NKAIN2: variants seen among roughly 807,000 people sequenced by gnomAD.
NKAIN2 encodes sodium/potassium-transporting ATPase subunit beta-1-interacting protein 2.
A neutral mutation model predicts 32.6 loss-of-function variants in NKAIN2; 14 were observed. The observed-to-expected ratio is 0.43, with a 90% CI of 0.28 to 0.67. The LOEUF (loss-of-function observed/expected upper bound fraction) is 0.67, where lower values mean the gene tolerates loss of function less well. NKAIN2 is among the 30% of genes least tolerant of loss of function. The probability of loss-of-function intolerance (pLI) is 0.17; values close to 1 mark genes in which losing one functional copy is unlikely to be tolerated. For missense variants in NKAIN2, 198 were observed against 258.3 expected (o/e 0.77, Z 1.60); for synonymous variants, 80 against 87.2 (o/e 0.92, Z 0.46).
chr6:124,434,241 C>A (rs1363565244), intron 3 of NKAIN2, among the ~76,000 whole-genome samples: 1 of 152,082 alleles, frequency 6.6e-6, no homozygotes, highest in Non-Finnish European at 1.5e-5. Context: ...TTATATGTCT[C>A]TTTTATTTGG....
chr6:124,019,512 G>A (rs371966415), intron 1 of NKAIN2, among the ~76,000 whole-genome samples: 28 of 152,134 alleles, frequency 1.8e-4, no homozygotes, highest in Non-Finnish European at 7.4e-5. Context: ...ATTAAGTCAT[G>A]CTTGTAAACA....
chr6:124,141,532 T>C (rs76017174), intron 1 of NKAIN2, among the ~76,000 whole-genome samples: 6,974 of 152,064 alleles, frequency 0.046, 244 homozygotes, highest in East Asian at 0.12. Context: ...TGCTTCTGGC[T>C]TAAAATTCAA....
chr6:124,152,653 A>T (rs1025443141), intron 1 of NKAIN2, among the ~76,000 whole-genome samples: 3 of 152,002 alleles, frequency 2.0e-5, no homozygotes, highest in Admixed American at 6.6e-5. Flanking sequence ...CACCAATCCA[A>T]CTGCTAGGTA....
At chr6:124,814,951 C>T (rs1411040701) in intron 5 of NKAIN2, among the ~76,000 whole-genome samples, 1 of 151,784 alleles carries the variant, frequency 6.6e-6, no homozygotes, top group Non-Finnish European at 1.5e-5. Context: ...AATAAAAATA[C>T]TAATAAACCT....
chr6:124,490,370 G>A (rs550631110), intron 3 of NKAIN2: 35 of 437,470 alleles, frequency 8.0e-5, no homozygotes, highest in Middle Eastern at 6.8e-4. Flanking sequence ...AAAGGGTTGT[G>A]GAATTTCCCT....
At chr6:124,799,926 A>G (rs1240818950) in intron 5 of NKAIN2, among the ~76,000 whole-genome samples, 1 of 152,142 alleles carries the variant, frequency 6.6e-6, no homozygotes, top group Admixed American at 6.5e-5. Flanking sequence ...CTACCTTCTC[A>G]TGGATAATGG....
At chr6:124,730,132 T>G (rs183129497) in intron 4 of NKAIN2, among the ~76,000 whole-genome samples, 3,904 of 89,758 alleles carry the variant, frequency 0.043, 1,384 homozygotes, top group Non-Finnish European at 0.067. Flanking sequence ...TGGCCATACT[T>G]CCCAAGGTAA....
intron 1 of NKAIN2, among the ~76,000 whole-genome samples, chr6:124,086,517 G>C (rs1486871672): frequency 6.6e-6 from 1 of 151,792 alleles, no homozygotes; most frequent in Admixed American, 6.6e-5. Context: ...CATTTTTCTT[G>C]CTTGTTGTTT....
At chr6:124,554,506 T>C (rs1023034144) in intron 3 of NKAIN2, among the ~76,000 whole-genome samples, 1 of 152,220 alleles carries the variant, frequency 6.6e-6, no homozygotes. Context: ...GAAAAGAGCA[T>C]TTCTTCCACC....
chr6:124,257,377 A>G (rs939279728), intron 1 of NKAIN2, among the ~76,000 whole-genome samples: 4 of 152,208 alleles, frequency 2.6e-5, no homozygotes, highest in Non-Finnish European at 4.4e-5. Flanking sequence ...CAAACTTCCT[A>G]CAGCTCTTAG....
chr6:124,746,410 C>G (rs1310541209), intron 4 of NKAIN2, among the ~76,000 whole-genome samples: 1 of 151,826 alleles, frequency 6.6e-6, no homozygotes, highest in Admixed American at 6.6e-5. Flanking sequence ...TAAAAGTCTT[C>G]ACTTTTACCA....
At chr6:124,430,077 C>G (rs1193583297) in intron 3 of NKAIN2, among the ~76,000 whole-genome samples, 1 of 151,960 alleles carries the variant, frequency 6.6e-6, no homozygotes, top group African/African-American at 2.4e-5. Flanking sequence ...TGCAACAACC[C>G]AAGAGATCAA....
chr6:124,489,820 T>A (rs1777792064), intron 3 of NKAIN2, among the ~76,000 whole-genome samples: 1 of 151,808 alleles, frequency 6.6e-6, no homozygotes, highest in Admixed American at 6.6e-5. Context: ...ATTCACTAAA[T>A]TTTTTAACAT....
chr6:123,868,688 G>A (rs1302502035), intron 1 of NKAIN2, among the ~76,000 whole-genome samples: 4 of 152,088 alleles, frequency 2.6e-5, no homozygotes, highest in Non-Finnish European at 5.9e-5. Context: ...CTGAATATAG[G>A]CAAAGAGAGA....
chr6:124,240,651 A>G (rs1481075985), intron 1 of NKAIN2, among the ~76,000 whole-genome samples: 1 of 152,154 alleles, frequency 6.6e-6, no homozygotes, highest in African/African-American at 2.4e-5. Flanking sequence ...AAAGCACATG[A>G]TTATCTCAAT....
intron 4 of NKAIN2, among the ~76,000 whole-genome samples, chr6:124,740,068 C>T (rs1345987850): frequency 6.6e-6 from 1 of 151,602 alleles, no homozygotes; most frequent in Non-Finnish European, 1.5e-5. Flanking sequence ...AAATCAATTG[C>T]TTTTCTCCTA....
chr6:124,676,449 C>T (rs1006190672), intron 4 of NKAIN2, among the ~76,000 whole-genome samples: 1 of 152,054 alleles, frequency 6.6e-6, no homozygotes, highest in Non-Finnish European at 1.5e-5. Context: ...CATTTAATTG[C>T]TGTTTATTTC....
intron 1 of NKAIN2, among the ~76,000 whole-genome samples, chr6:124,117,979 T>C (rs997234273): frequency 6.6e-6 from 1 of 151,944 alleles, no homozygotes; most frequent in African/African-American, 2.4e-5. Context: ...TCTGGTTCTC[T>C]TTCTCCTCAA....
At chr6:124,342,354 A>G (rs1488191360) in intron 2 of NKAIN2, among the ~76,000 whole-genome samples, 1 of 149,824 alleles carries the variant, frequency 6.7e-6, no homozygotes, top group Non-Finnish European at 1.5e-5. Flanking sequence ...GCTTGCAGTG[A>G]GCCGAGATTG....
Sources: allele counts gnomAD v4.1 joint callset (sites outside exome capture counted in the v4.1 genomes callset), GRCh38; gene constraint gnomAD v4.1.1; transcripts MANE v1.5; gene names NCBI Gene and HGNC (gene_info 2026-07-23, HGNC 2026-07-21).